The following FGFR1 variants were observed in gnomAD, a reference collection of about 807,000 sequenced individuals.
FGFR1 encodes fibroblast growth factor receptor 1, also known as FGFR1/PLAG1 fusion.
In FGFR1, 18 loss-of-function variants were observed where a neutral mutation model predicts 93.7. The ratio of observed to expected loss-of-function variants is 0.19; its 90% CI spans 0.13 to 0.28. FGFR1 has a LOEUF of 0.28. FGFR1 is among the 10% of genes least tolerant of loss of function. The pLI, the probability that FGFR1 is intolerant of heterozygous loss-of-function variation, is 1.00. For synonymous variants in FGFR1, 448 were observed against 429.3 expected, an observed-to-expected ratio of 1.04 and a Z score of -0.54; for missense variants, 731 against 1,080.4, an observed-to-expected ratio of 0.68 and a Z score of 4.53.
chr8:38,419,397 T>C lies in FGFR1; in HGVS notation c.1284+136A>G, dbSNP rs1817892780. On this transcript the variant is annotated intron_variant, in intron 9 of 17. Coordinates refer to ENST00000447712, the MANE Select transcript of FGFR1 (RefSeq NM_023110.3). ...AACAGACTCTAGAGCACTTAGTTCA[T>C]GATATTCCACTGTGCCTTGCCCAGA... 1.1e-5 allele frequency: 9 copies of C among 802,738 alleles called. No individual in the cohort carries two copies. In the Admixed American group the frequency reaches 1.6e-4, roughly 14 times the overall value. The allele number at this position is 802,738 out of a possible 1,614,324, so 49.7% of individuals were successfully genotyped here. A position where few individuals can be genotyped will look rare whatever the true frequency, so the allele number is the denominator to read the frequency against.
chr8:38,418,016 A>G lies in FGFR1; in HGVS notation c.1431-25T>C, dbSNP rs55773957. On this transcript the variant is annotated intron_variant, in intron 10 of 17. Transcript: ENST00000447712. Reference sequence around the variant, plus strand: ...TCTTTCGGGGGAAACAGAGAGTGGCATAAGTTGGGGCTGGTGAAGTTCAAA... The same window carrying G: ...TCTTTCGGGGGAAACAGAGAGTGGCGTAAGTTGGGGCTGGTGAAGTTCAAA... The G allele has an allele frequency of 2.2e-5, 36 of 1,614,046 alleles. No homozygotes were observed. In the East Asian group the frequency reaches 3.3e-4, roughly 15 times the overall value.
intron 2 of FGFR1, among the ~76,000 whole-genome samples, chr8:38,455,643 C>A (rs189418964): frequency 5.9e-5 from 9 of 152,230 alleles, no homozygotes; most frequent in African/African-American, 2.2e-4. Flanking sequence ...CTAACTCAAT[C>A]CAATTTTTCC....
At chr8:38,464,382 C>T (rs1397199998) in intron 1 of FGFR1, among the ~76,000 whole-genome samples, 3 of 149,774 alleles carry the variant, frequency 2.0e-5, no homozygotes, top group African/African-American at 7.3e-5. Flanking sequence ...GAAAACCTTG[C>T]TCTTGAAGAC....
At chr8:38,457,229 G>T in intron 2 of FGFR1, 127 bp downstream of exon 2, 8 of 1,050,288 alleles carry the variant, frequency 7.6e-6, no homozygotes, top group Non-Finnish European at 9.9e-6. Flanking sequence ...CAGGAAGGGA[G>T]TTCTTTGCTC....
At chr8:38,434,784 A>G (rs983631932) in intron 2 of FGFR1, 1 of 154,728 alleles carries the variant, frequency 6.5e-6, no homozygotes, top group Middle Eastern at 3.0e-3. Context: ...CGGAACAGCG[A>G]TGAGTGAGGA....
chr8:38,442,362 G>GGTGGGTGTGT (rs1827786397), intron 2 of FGFR1, among the ~76,000 whole-genome samples: 1 of 145,980 alleles, frequency 6.9e-6, no homozygotes, highest in Admixed American at 6.9e-5. Context: ...TTGTTAAAGT[G>GGTGGGTGTGT]GTGTGTGTGT....
In FGFR1 at chr8:38,414,821, T is replaced by C. The variant is rs2150561761; in HGVS notation, c.1935A>G (p.Ala645=). 1 of 1,613,960 alleles carries C rather than the reference T, an allele frequency of 6.2e-7. No individual in the cohort carries two copies. The highest frequency in any genetic ancestry group is 1.1e-5 in the South Asian group (1 of 91,076). The change falls in exon 14 of 18, where the codon GCA becomes GCG. Residue 645 remains alanine, a synonymous_variant. Transcript: ENST00000447712. ...NVMKIADFGL[A]RDIHHIDYYK... ...AGTAGTCGATGTGGTGAATGTCCCG[T>C]GCGAGGCCAAAGTCTGCTATCTTCA...
intron 1 of FGFR1, chr8:38,458,773 A>T (rs2151382088): frequency 4.5e-6 from 1 of 220,234 alleles, no homozygotes; most frequent in African/African-American, 2.2e-5. Context: ...TTTGTCTCTA[A>T]AATTGTACGA....
intron 2 of FGFR1, among the ~76,000 whole-genome samples, chr8:38,432,920 C>CCG: frequency 7.0e-6 from 1 of 142,028 alleles, no homozygotes; most frequent in South Asian, 2.3e-4. Flanking sequence ...CCCCCCCCCT[C>CCG]CCCAGTTGGG....
In FGFR1 at chr8:38,449,981, G is replaced by A. The variant is rs373718126; in HGVS notation, c.91+7375C>T. On this transcript the variant is annotated intron_variant, in intron 2 of 17. Transcript: ENST00000447712. ...GCTAAGAGGCAACAGGCCCACTACC[G>A]GGGAGGAGGGGTTAGGGCAATTGGC... 2.1e-4 allele frequency among the ~76,000 whole-genome samples: 32 copies of A among 152,348 alleles called. No individual in the cohort carries two copies. In the South Asian group the frequency reaches 3.7e-3, roughly 18 times the overall value.
intron 2 of FGFR1, among the ~76,000 whole-genome samples, chr8:38,447,141 A>C (rs1048317968): frequency 1.5e-5 from 2 of 130,914 alleles, no homozygotes; most frequent in Admixed American, 1.5e-4. Context: ...ACACACACAC[A>C]CACACACACA....
intron 8 of FGFR1, 162 bp from the exon 9 acceptor site, chr8:38,419,897 A>G (rs1325049290): frequency 1.6e-6 from 1 of 629,206 alleles, no homozygotes; most frequent in African/African-American, 1.8e-5. Context: ...CACTAGGAGG[A>G]TCAGGCAACC....
At chr8:38,417,103 G>A (rs951087277) in intron 12 of FGFR1, among the ~76,000 whole-genome samples, 3 of 152,200 alleles carry the variant, frequency 2.0e-5, no homozygotes, top group South Asian at 2.1e-4. Context: ...AACACACCAC[G>A]TGTGTGAATC....
chr8:38,415,785 A>C, intron 13 of FGFR1, 85 bp downstream of exon 13: 1 of 1,379,636 alleles, frequency 7.2e-7, no homozygotes, highest in Non-Finnish European at 1.0e-6. Context: ...CAACGCCACC[A>C]CAAGATGATA....
intron 13 of FGFR1, among the ~76,000 whole-genome samples, chr8:38,415,615 T>G (rs1238876441): frequency 2.0e-5 from 3 of 152,066 alleles, no homozygotes; most frequent in African/African-American, 7.2e-5. Context: ...AGATGCTAAG[T>G]AGCTGCCTGA....
chr8:38,428,178 G>C, intron 4 of FGFR1, 85 bp from the exon 5 acceptor site: 1 of 1,582,488 alleles, frequency 6.3e-7, no homozygotes, highest in Non-Finnish European at 8.7e-7. Context: ...CCAGGACCTG[G>C]AGGTGTCTTG....
In FGFR1 at chr8:38,431,088, C is replaced by T. The variant is rs73674162; in HGVS notation, c.92-1140G>A. Among the ~76,000 whole-genome samples the T allele has an allele frequency of 2.6e-3, 394 of 152,340 alleles. 1 individual carries two copies. Among genetic ancestry groups the T allele is most frequent in the African/African-American group, 9.1e-3 (378 of 41,574 alleles). On this transcript the variant is annotated intron_variant, in intron 2 of 17. Coordinates refer to ENST00000447712, the MANE Select transcript of FGFR1 (RefSeq NM_023110.3). ...CAGCCTTGGAGAGGACTTTTCTCAC[C>T]ATTTGTTCACCCTAAGAGACTCAGT...
chr8:38,428,526 T>C, intron 3 of FGFR1, 91 bp from the exon 4 acceptor site: 2 of 960,326 alleles, frequency 2.1e-6, no homozygotes, highest in Non-Finnish European at 1.6e-6. Context: ...ACGGACACCC[T>C]CCCCATGGGG....
At chr8:38,439,915 T>C (rs1224230947) in intron 2 of FGFR1, among the ~76,000 whole-genome samples, 1 of 152,088 alleles carries the variant, frequency 6.6e-6, no homozygotes, top group Admixed American at 6.6e-5. Flanking sequence ...GGTATTTGTA[T>C]TACCTACTCT....
Sources: gnomAD v4.1 joint callset for allele counts (sites outside exome capture counted in the v4.1 genomes callset) on GRCh38, gnomAD v4.1.1 for gene constraint, MANE v1.5 for transcripts, NCBI Gene and HGNC (gene_info 2026-07-23, HGNC 2026-07-21) for gene names.